Variants in ANO2 observed in about 807,000 individuals in gnomAD.
The protein encoded by ANO2 is anoctamin-2.
Under a neutral mutation model 124.2 loss-of-function variants are expected in ANO2, and 101 were observed. The ratio of observed to expected loss-of-function variants is 0.81; its 90% CI spans 0.69 to 0.96. The LOEUF is 0.96. ANO2 is among the 40% of genes least tolerant of loss of function. The pLI is 0.00. For missense variants in ANO2, 1,293 were observed against 1,274.5 expected (o/e 1.01, Z -0.22); for synonymous variants, 486 against 482.5 (o/e 1.01, Z -0.09).
chr12:5,593,641 C>A (rs1304585047), intron 20 of ANO2, among the ~76,000 whole-genome samples: 2 of 152,156 alleles, frequency 1.3e-5, no homozygotes, highest in Admixed American at 1.3e-4. Flanking sequence ...AAACTGAACT[C>A]TGGACAATAA....
chr12:5,918,527 C>T (rs1292415473), intron 3 of ANO2, among the ~76,000 whole-genome samples: 1 of 151,890 alleles, frequency 6.6e-6, no homozygotes, highest in African/African-American at 2.4e-5. Context: ...GCAACCTCCA[C>T]CTCCCGGGTT....
chr12:5,703,431 T>C (rs1279125587), intron 14 of ANO2, among the ~76,000 whole-genome samples: 1 of 152,184 alleles, frequency 6.6e-6, no homozygotes, highest in Non-Finnish European at 1.5e-5. Flanking sequence ...ATGCTTCAAT[T>C]ATATTTGTAA....
intron 19 of ANO2, among the ~76,000 whole-genome samples, chr12:5,610,013 CTATAA>C (rs1269087191): frequency 6.2e-5 from 8 of 129,576 alleles, no homozygotes; most frequent in African/African-American, 8.8e-5. Flanking sequence ...GTATATTTAT[CTATAA>C]TATATTTATA....
intron 10 of ANO2, among the ~76,000 whole-genome samples, chr12:5,757,864 A>T (rs1951625336): frequency 6.6e-6 from 1 of 152,218 alleles, no homozygotes; most frequent in African/African-American, 2.4e-5. Flanking sequence ...CTAAAATTTT[A>T]AAAATTCAGA....
At chr12:5,850,415 CAAAAAAA>C (rs11307572) in intron 4 of ANO2, among the ~76,000 whole-genome samples, 1,647 of 100,190 alleles carry the variant, frequency 0.016, 15 homozygotes, top group Middle Eastern at 0.023. Flanking sequence ...CACTCCATCT[CAAAAAAA>C]AAAAAAAAAA....
intron 19 of ANO2, among the ~76,000 whole-genome samples, chr12:5,604,961 A>C (rs1190025306): frequency 2.0e-5 from 3 of 151,822 alleles, no homozygotes; most frequent in Non-Finnish European, 4.4e-5. Context: ...CAAGTCTCAG[A>C]AACTCTTTCC....
At chr12:5,839,534 C>T in intron 4 of ANO2, 2 of 455,034 alleles carry the variant, frequency 4.4e-6, no homozygotes, top group South Asian at 3.1e-5. Flanking sequence ...CCAAGGCTAC[C>T]ACTCCATGGC....
intron 22 of ANO2, among the ~76,000 whole-genome samples, chr12:5,577,007 G>A (rs1942450461): frequency 6.6e-6 from 1 of 152,188 alleles, no homozygotes; most frequent in African/African-American, 2.4e-5. Flanking sequence ...GTCTTAAAGA[G>A]GCCAGGGAAG....
chr12:5,892,300 A>G (rs1939472756), intron 3 of ANO2, among the ~76,000 whole-genome samples: 1 of 152,194 alleles, frequency 6.6e-6, no homozygotes, highest in Non-Finnish European at 1.5e-5. Flanking sequence ...AACCAAAAAC[A>G]TCTAACATTA....
In ANO2 at chr12:5,770,379, CAAG is replaced by C. The variant is rs756535071; in HGVS notation, c.1056-19412_1056-19410del. 4.6e-5 allele frequency among the ~76,000 whole-genome samples: 7 copies of C among 152,272 alleles called. No homozygotes were observed. The East Asian group carries it at 1.4e-3, about 29-fold the overall frequency. ...TGGCTAACAAGGGTCCCAAGGTTAA[CAAG>C]ATCAAAGTGGAACTCTTGGTTTCCT... On this transcript the variant is annotated intron_variant, in intron 10 of 24. Transcript: ENST00000682330.
chr12:5,815,406 T>C (rs888484498), intron 7 of ANO2, among the ~76,000 whole-genome samples: 3 of 152,254 alleles, frequency 2.0e-5, no homozygotes, highest in Non-Finnish European at 2.9e-5. Flanking sequence ...AAAATCATTA[T>C]GTTCTTAATG....
chr12:5,691,066 AC>A (rs1214924775), intron 14 of ANO2, among the ~76,000 whole-genome samples: 1 of 152,154 alleles, frequency 6.6e-6, no homozygotes, highest in Admixed American at 6.5e-5. Flanking sequence ...GCGGTGGCTC[AC>A]GCCTGTAATC....
intron 14 of ANO2, among the ~76,000 whole-genome samples, chr12:5,711,035 G>A (rs1416576913): frequency 2.6e-5 from 4 of 152,030 alleles, no homozygotes; most frequent in African/African-American, 4.8e-5. Flanking sequence ...GCATGTGCCT[G>A]TAGTCCCAGC....
At chr12:5,666,037 C>T (rs901916057) in intron 14 of ANO2, among the ~76,000 whole-genome samples, 4 of 152,168 alleles carry the variant, frequency 2.6e-5, no homozygotes, top group Admixed American at 6.5e-5. Context: ...TTGGTCTCAT[C>T]ATCATCACCC....
chr12:5,851,670 G>C (rs1406640866), intron 4 of ANO2, among the ~76,000 whole-genome samples: 1 of 145,472 alleles, frequency 6.9e-6, no homozygotes, highest in Admixed American at 6.9e-5. Flanking sequence ...GGGCAACAGA[G>C]CAAGACTCCA....
intron 14 of ANO2, among the ~76,000 whole-genome samples, chr12:5,718,344 G>A (rs1042349119): frequency 5.9e-5 from 9 of 152,226 alleles, no homozygotes; most frequent in Admixed American, 5.9e-4. Context: ...TTCTGCTGCT[G>A]AACAGAAGTG....
intron 14 of ANO2, among the ~76,000 whole-genome samples, chr12:5,696,309 G>A (rs1392745896): frequency 6.6e-6 from 1 of 151,676 alleles, no homozygotes; most frequent in Non-Finnish European, 1.5e-5. Context: ...AAATCACAAA[G>A]GCAACATAAT....
At position 5,937,716 on chromosome 12, in the gene ANO2, T is replaced by C. The variant is rs543573928; in HGVS notation, c.22+7480A>G. ...ACTTTGAGCTTATGTAGGAGTTTGC[T>C]GTTGTTGCCAGGGTATGCTGTGGAA... is the stretch of plus-strand genomic sequence containing the variant. On this transcript the variant is annotated intron_variant, in intron 1 of 24. Transcript: ENST00000682330. 2.5e-3 allele frequency among the ~76,000 whole-genome samples: 378 copies of C among 152,282 alleles called. 1 individual carries two copies. Among genetic ancestry groups the C allele is most frequent in the African/African-American group, 8.6e-3 (356 of 41,556 alleles).
At chr12:5,567,900 G>C (rs1027120375) in intron 23 of ANO2, among the ~76,000 whole-genome samples, 2 of 152,242 alleles carry the variant, frequency 1.3e-5, no homozygotes, top group Non-Finnish European at 2.9e-5. Flanking sequence ...GTTAGGAACT[G>C]ATGGTAAGCC....
Sources: allele counts gnomAD v4.1 joint callset (sites outside exome capture counted in the v4.1 genomes callset), GRCh38; gene constraint gnomAD v4.1.1; transcripts MANE v1.5; gene names NCBI Gene and HGNC (gene_info 2026-07-23, HGNC 2026-07-21).